The following LRRTM4 variants were observed in gnomAD, a reference collection of about 807,000 sequenced individuals.
LRRTM4 encodes leucine-rich repeat transmembrane neuronal protein 4.
A neutral mutation model predicts 47.6 loss-of-function variants in LRRTM4; 25 were observed. The ratio of observed to expected loss-of-function variants is 0.53; its 90% CI spans 0.38 to 0.73. The LOEUF (loss-of-function observed/expected upper bound fraction) is 0.73. Among genes scored for constraint, LRRTM4 ranks in the 30% least tolerant of loss-of-function variants. LRRTM4 has a pLI of 0.00. For synonymous variants in LRRTM4, 311 were observed against 269.5 expected (o/e 1.15, Z -1.51); for missense variants, 638 against 713.4 (o/e 0.89, Z 1.20).
At chr2:77,320,840 T>C (rs1677767602) in intron 3 of LRRTM4, among the ~76,000 whole-genome samples, 1 of 152,084 alleles carries the variant, frequency 6.6e-6, no homozygotes. Context: ...GGAGTTATAT[T>C]ACTCCAACTA....
At chr2:76,784,030 T>C (rs1214166666) in intron 3 of LRRTM4, among the ~76,000 whole-genome samples, 2 of 152,136 alleles carry the variant, frequency 1.3e-5, no homozygotes, top group African/African-American at 4.8e-5. Flanking sequence ...ATTGTGAAAG[T>C]GAGAAAACAT....
At chr2:77,145,652 T>C (rs1672237719) in intron 3 of LRRTM4, among the ~76,000 whole-genome samples, 1 of 151,248 alleles carries the variant, frequency 6.6e-6, no homozygotes, top group Non-Finnish European at 1.5e-5. Flanking sequence ...CGGGCACCTG[T>C]AGTCCCAGCT....
chr2:77,226,014 T>C (rs1015413256), intron 3 of LRRTM4, among the ~76,000 whole-genome samples: 13 of 151,826 alleles, frequency 8.6e-5, no homozygotes, highest in Non-Finnish European at 1.9e-4. Context: ...ACATGTTTTA[T>C]TTAATATTAA....
At position 77,354,186 on chromosome 2, in the gene LRRTM4, A is replaced by G. The variant is rs546502329; in HGVS notation, c.1551+164132T>C. On this transcript the variant is annotated intron_variant, in intron 3 of 3. Coordinates refer to ENST00000409884, the MANE Select transcript of LRRTM4 (RefSeq NM_001134745.3). The stretch of plus-strand genomic sequence containing the variant: ...GCACCAGTGGTCATGTCTTAAGGAG[A>G]GATGCTTTTGCCTCTTTCCTGTTTC... 2.0e-5 allele frequency among the ~76,000 whole-genome samples: 3 copies of G among 152,158 alleles called. No individual in the cohort carries two copies. In the Middle Eastern group the frequency reaches 0.01, roughly 518 times the overall value.
chr2:76,751,830 T>A (rs752286488), intron 3 of LRRTM4, among the ~76,000 whole-genome samples: 7 of 152,126 alleles, frequency 4.6e-5, no homozygotes, highest in Non-Finnish European at 1.0e-4. Flanking sequence ...GTGGGAAGAA[T>A]GCTTTCAAAA....
intron 3 of LRRTM4, among the ~76,000 whole-genome samples, chr2:77,405,183 G>A (rs1674133135): frequency 6.6e-6 from 1 of 152,036 alleles, no homozygotes; most frequent in South Asian, 2.1e-4. Flanking sequence ...CCACTTATCA[G>A]TCTCACTCTA....
intron 3 of LRRTM4, among the ~76,000 whole-genome samples, chr2:76,807,443 T>TATATATATATATAC (rs1340328428): frequency 8.2e-4 from 82 of 99,478 alleles, no homozygotes; most frequent in Non-Finnish European, 1.0e-3. Flanking sequence ...TATACGTATA[T>TATATATATATATAC]ACATATATAT....
intron 3 of LRRTM4, among the ~76,000 whole-genome samples, chr2:76,809,753 CT>C (rs1670671746): frequency 6.6e-6 from 1 of 152,154 alleles, no homozygotes; most frequent in Non-Finnish European, 1.5e-5. Context: ...TGCTGCCTTC[CT>C]GATGTATTTC....
chr2:77,170,388 C>T (rs971017156), intron 3 of LRRTM4, among the ~76,000 whole-genome samples: 5 of 152,072 alleles, frequency 3.3e-5, no homozygotes, highest in African/African-American at 9.7e-5. Flanking sequence ...ATCCTACAAC[C>T]ATAAGGAACT....
chr2:76,813,511 T>G (rs1670807014), intron 3 of LRRTM4, among the ~76,000 whole-genome samples: 2 of 152,104 alleles, frequency 1.3e-5, no homozygotes, highest in Non-Finnish European at 2.9e-5. Context: ...TATGTGATAT[T>G]CTTTCTGTTT....
chr2:77,443,576 TCTAA>T (rs1420298889), intron 3 of LRRTM4, among the ~76,000 whole-genome samples: 3 of 152,136 alleles, frequency 2.0e-5, no homozygotes, highest in Non-Finnish European at 1.5e-5. Context: ...CTCAATAAAT[TCTAA>T]CTATTACTAT....
At chr2:76,763,311 T>C (rs1027655723) in intron 3 of LRRTM4, among the ~76,000 whole-genome samples, 1 of 152,198 alleles carries the variant, frequency 6.6e-6, no homozygotes, top group African/African-American at 2.4e-5. Context: ...TATTTGGCAA[T>C]GGGGCCTCTA....
chr2:77,054,631 T>C (rs2103782322), intron 3 of LRRTM4, among the ~76,000 whole-genome samples: 1 of 152,302 alleles, frequency 6.6e-6, no homozygotes, highest in Non-Finnish European at 1.5e-5. Context: ...ACACTCCCAA[T>C]AAGTACAGAC....
At chr2:76,912,487 T>A (rs1237474078) in intron 3 of LRRTM4, among the ~76,000 whole-genome samples, 1 of 152,220 alleles carries the variant, frequency 6.6e-6, no homozygotes, top group Non-Finnish European at 1.5e-5. Flanking sequence ...AATAAATTCT[T>A]AGAAACAAAA....
intron 3 of LRRTM4, among the ~76,000 whole-genome samples, chr2:77,108,766 G>C (rs1323716595): frequency 1.3e-5 from 2 of 151,760 alleles, no homozygotes; most frequent in East Asian, 1.9e-4. Context: ...TGTATTTTTA[G>C]TAGAGACGGG....
At chr2:76,882,658 C>T (rs1281991707) in intron 3 of LRRTM4, among the ~76,000 whole-genome samples, 1 of 151,994 alleles carries the variant, frequency 6.6e-6, no homozygotes, top group Non-Finnish European at 1.5e-5. Context: ...AAGGTAAGGC[C>T]AGAAACATAA....
At chr2:77,267,745 T>C (rs1459933047) in intron 3 of LRRTM4, among the ~76,000 whole-genome samples, 1 of 152,104 alleles carries the variant, frequency 6.6e-6, no homozygotes, top group African/African-American at 2.4e-5. Context: ...ATATCCTAGT[T>C]TGGACTATAC....
intron 3 of LRRTM4, among the ~76,000 whole-genome samples, chr2:76,894,774 T>A (rs1157660930): frequency 6.6e-6 from 1 of 151,936 alleles, no homozygotes; most frequent in Non-Finnish European, 1.5e-5. Flanking sequence ...TATTTGTATA[T>A]TTATCACATA....
chr2:77,207,316 A>G (rs1464262258), intron 3 of LRRTM4, among the ~76,000 whole-genome samples: 4 of 142,378 alleles, frequency 2.8e-5, no homozygotes, highest in African/African-American at 1.1e-4. Context: ...ATACACATGT[A>G]TGTGTTTATG....
Sources: gnomAD v4.1 joint callset for allele counts (sites outside exome capture counted in the v4.1 genomes callset) on GRCh38, gnomAD v4.1.1 for gene constraint, MANE v1.5 for transcripts, NCBI Gene and HGNC (gene_info 2026-07-23, HGNC 2026-07-21) for gene names.